Variants in TFDP2 observed in about 807,000 individuals in gnomAD.
TFDP2 encodes the protein transcription factor Dp-2 (E2F dimerization partner 2).
In TFDP2, 17 loss-of-function variants were observed where a neutral mutation model predicts 59.3. That is an observed-to-expected ratio of 0.29 (90% CI 0.20 to 0.43). The LOEUF (loss-of-function observed/expected upper bound fraction) is 0.43, where lower values mean the gene tolerates loss of function less well. Among genes scored for constraint, TFDP2 ranks in the 20% least tolerant of loss-of-function variants. The pLI, the probability that TFDP2 is intolerant of heterozygous loss-of-function variation, is 1.00. For missense variants in TFDP2, 391 were observed against 528.8 expected (o/e 0.74, Z 2.56); for synonymous variants, 180 against 194.7 (o/e 0.92, Z 0.63).
intron 3 of TFDP2, among the ~76,000 whole-genome samples, chr3:142,065,603 C>T (rs538089135): frequency 1.3e-5 from 2 of 151,906 alleles, no homozygotes; most frequent in East Asian, 1.9e-4. Flanking sequence ...CCTCTGCCTC[C>T]CAGGTTCAAG....
chr3:141,952,589 G>A lies in TFDP2; in HGVS notation c.1265C>T (p.Ser422Phe), dbSNP rs766060982. ...SSSAASHCSE[S>F]RGETPCSFND... is the part of the protein sequence containing the mutation. Reference sequence around the variant, plus strand: ...GAACGAACAGGGGGTCTCGCCTCGGGACTCGGAGCAGTGAGAGGCCGCACT... The same window carrying A: ...GAACGAACAGGGGGTCTCGCCTCGGAACTCGGAGCAGTGAGAGGCCGCACT... The change falls in exon 13 of 13, where the codon TCC (serine) becomes TTC (phenylalanine). Residue 422 changes from serine to phenylalanine, a missense_variant. Transcript: ENST00000489671. 1.3e-6 allele frequency: 2 copies of A among 1,574,068 alleles called. No homozygotes were observed. Among genetic ancestry groups the A allele is most frequent in the Non-Finnish European group, 1.7e-6 (2 of 1,169,362 alleles).
intron 3 of TFDP2, among the ~76,000 whole-genome samples, chr3:142,084,959 C>T (rs2060764407): frequency 2.0e-5 from 3 of 151,864 alleles, no homozygotes. Flanking sequence ...CTCGCTCTGT[C>T]GCCCAGGCCG....
chr3:142,106,394 T>C (rs1012993455), intron 1 of TFDP2, among the ~76,000 whole-genome samples: 6 of 152,264 alleles, frequency 3.9e-5, no homozygotes, highest in African/African-American at 1.4e-4. Context: ...CTTTGAGTGA[T>C]ACTTTATAGC....
chr3:142,119,540 T>TA (rs142473806), intron 1 of TFDP2, among the ~76,000 whole-genome samples: 12,641 of 152,236 alleles, frequency 0.083, 647 homozygotes, highest in Middle Eastern at 0.14. Flanking sequence ...TGGCAATTCC[T>TA]ACAAAAATTA....
chr3:141,973,104 TATATATATA>T (rs1486826747), intron 8 of TFDP2, among the ~76,000 whole-genome samples: 125 of 107,304 alleles, frequency 1.2e-3, no homozygotes, highest in South Asian at 2.6e-3. Flanking sequence ...TATATATATA[TATATATATA>T]TATATATATA....
chr3:142,111,398 G>A (rs535421688), intron 1 of TFDP2, among the ~76,000 whole-genome samples: 5 of 147,490 alleles, frequency 3.4e-5, no homozygotes, highest in Middle Eastern at 3.7e-3. Context: ...ACTGCACTCC[G>A]GCCTGGCCGA....
At chr3:142,027,287 AT>A (rs1946164118) in intron 3 of TFDP2, among the ~76,000 whole-genome samples, 2 of 62,286 alleles carry the variant, frequency 3.2e-5, no homozygotes, top group Non-Finnish European at 6.4e-5. Context: ...ATTCCTGAAT[AT>A]AAAATAATAA....
intron 3 of TFDP2, among the ~76,000 whole-genome samples, chr3:142,073,459 C>CA (rs200434248): frequency 1.6e-4 from 4 of 25,336 alleles, no homozygotes; most frequent in Admixed American, 4.3e-4. Context: ...AACAAACAAC[C>CA]CCCCCCCCCC....
chr3:141,945,578 G>A lies in TFDP2; in HGVS notation c.*6935C>T, dbSNP rs1399960305. The A allele has an allele frequency of 6.6e-6, 1 of 152,276 alleles. No homozygotes were observed. Among genetic ancestry groups the A allele is most frequent in the Admixed American group, 6.5e-5 (1 of 15,286 alleles). The allele number at this position is 152,276 out of a possible 1,614,324, so 9.4% of individuals were successfully genotyped here. A position where few individuals can be genotyped will look rare whatever the true frequency, so the allele number is the denominator to read the frequency against. On this transcript the variant is annotated 3_prime_UTR_variant, in exon 13 of 13. Coordinates refer to ENST00000489671, the MANE Select transcript of TFDP2 (RefSeq NM_001178139.2). ...GTGGTTCCATTTTTCAGGACACTGA[G>A]AGGTTGAACCTGCCATGGAACTACT...
At chr3:142,020,503 C>T (rs1467778416) in intron 3 of TFDP2, among the ~76,000 whole-genome samples, 1 of 150,190 alleles carries the variant, frequency 6.7e-6, no homozygotes, top group Non-Finnish European at 1.5e-5. Context: ...CCATTGCACT[C>T]CAGCCTGGGC....
chr3:142,013,559 A>C (rs1944889725), intron 3 of TFDP2, among the ~76,000 whole-genome samples: 2 of 152,220 alleles, frequency 1.3e-5, no homozygotes, highest in Non-Finnish European at 1.5e-5. Context: ...TGTATTAAAA[A>C]CAACGATTTT....
At chr3:142,049,093 A>G (rs1482388550) in intron 3 of TFDP2, among the ~76,000 whole-genome samples, 1 of 152,238 alleles carries the variant, frequency 6.6e-6, no homozygotes, top group Non-Finnish European at 1.5e-5. Context: ...ATAGTGAGAG[A>G]AAGTAAGATG....
chr3:142,060,933 C>T (rs1202454523), intron 3 of TFDP2, among the ~76,000 whole-genome samples: 2 of 152,160 alleles, frequency 1.3e-5, no homozygotes, highest in Non-Finnish European at 2.9e-5. Flanking sequence ...AAAATTTCAA[C>T]TCCGTCTACT....
rs1037958094 is a variant in TFDP2, at chr3:141,950,142, G to A, written c.*2371C>T. Reference sequence around the variant, plus strand: ...TAACACTGCCTCACTTTGATCTTGTGTGAAATTGTGACTCAGTGCTGAGCT... The same window carrying A: ...TAACACTGCCTCACTTTGATCTTGTATGAAATTGTGACTCAGTGCTGAGCT... On this transcript the variant is annotated 3_prime_UTR_variant, in exon 13 of 13. Transcript: ENST00000489671. 1.1e-4 allele frequency: 16 copies of A among 152,178 alleles called. No homozygotes were observed. Among genetic ancestry groups the A allele is most frequent in the African/African-American group, 3.9e-4 (16 of 41,436 alleles). The allele number at this position is 152,178 out of a possible 1,614,324, so 9.4% of individuals were successfully genotyped here. A position where few individuals can be genotyped will look rare whatever the true frequency, so the allele number is the denominator to read the frequency against.
At chr3:142,089,225 C>A (rs565949287) in intron 3 of TFDP2, among the ~76,000 whole-genome samples, 61 of 151,368 alleles carry the variant, frequency 4.0e-4, no homozygotes, top group African/African-American at 1.4e-3. Context: ...CACCCTCTCT[C>A]CTCAGTAGAA....
At chr3:141,984,039 G>A (rs547260486) in intron 6 of TFDP2, among the ~76,000 whole-genome samples, 1 of 151,766 alleles carries the variant, frequency 6.6e-6, no homozygotes, top group East Asian at 1.9e-4. Context: ...ATTCACAATA[G>A]GTAAAATGTG....
intron 1 of TFDP2, among the ~76,000 whole-genome samples, chr3:142,139,546 T>C (rs2062860161): frequency 6.6e-6 from 1 of 152,206 alleles, no homozygotes; most frequent in Non-Finnish European, 1.5e-5. Flanking sequence ...TCAGGAGTTC[T>C]TGTAAGGCAG....
In TFDP2 at chr3:142,124,085, T is replaced by C. The variant is rs571785624; in HGVS notation, c.-92-22244A>G. Among the ~76,000 whole-genome samples, 21 of 151,768 alleles carry C rather than the reference T, an allele frequency of 1.4e-4. No homozygotes were observed. The South Asian group carries it at 4.2e-3, about 30-fold the overall frequency. On this transcript the variant is annotated intron_variant, in intron 1 of 12. Coordinates refer to ENST00000489671, the MANE Select transcript of TFDP2 (RefSeq NM_001178139.2). ...CATCAGGAAGAAACTCAGCAAGAAA[T>C]ACATAGGGATACAAAAAACAAATGG...
chr3:141,996,622 G>A (rs1943297903), intron 4 of TFDP2, among the ~76,000 whole-genome samples: 1 of 152,144 alleles, frequency 6.6e-6, no homozygotes, highest in African/African-American at 2.4e-5. Context: ...ATAACTGAAG[G>A]GAAGGATTAA....
Sources: allele counts gnomAD v4.1 joint callset (sites outside exome capture counted in the v4.1 genomes callset), GRCh38; gene constraint gnomAD v4.1.1; transcripts MANE v1.5; gene names NCBI Gene and HGNC (gene_info 2026-07-23, HGNC 2026-07-21).